Variants in KIF26B observed in about 807,000 individuals in gnomAD.
KIF26B encodes kinesin family member 26B.
KIF26B carries 63 observed loss-of-function variants against 151.2 expected under a neutral mutation model. The ratio of observed to expected loss-of-function variants is 0.42; its 90% CI spans 0.34 to 0.51. The LOEUF (loss-of-function observed/expected upper bound fraction) is 0.51, where lower values mean the gene tolerates loss of function less well. KIF26B is among the 20% of genes least tolerant of loss of function. The pLI, the probability that KIF26B is intolerant of heterozygous loss-of-function variation, is 0.07. For missense variants in KIF26B, 2,813 were observed against 2,913.6 expected, an observed-to-expected ratio of 0.97 and a Z score of 0.79; for synonymous variants, 1,357 against 1,262.1, an observed-to-expected ratio of 1.08 and a Z score of -1.59.
chr1:245,197,710 A>G (rs1669219816), intron 2 of KIF26B, among the ~76,000 whole-genome samples: 1 of 152,224 alleles, frequency 6.6e-6, no homozygotes, highest in Non-Finnish European at 1.5e-5. Flanking sequence ...GATAGAGTCA[A>G]AAGTTAAAGT....
intron 2 of KIF26B, among the ~76,000 whole-genome samples, chr1:245,165,109 AGAT>A (rs1259994862): frequency 6.6e-6 from 1 of 151,982 alleles, no homozygotes; most frequent in Admixed American, 6.6e-5. Context: ...ATGAGCAAGA[AGAT>A]GGGTTGGAAG....
intron 9 of KIF26B, among the ~76,000 whole-genome samples, chr1:245,636,032 G>A (rs1398373716): frequency 6.6e-6 from 1 of 152,110 alleles, no homozygotes; most frequent in East Asian, 1.9e-4. Flanking sequence ...GACTTGTTCT[G>A]TGGACCAGAA....
At chr1:245,261,050 C>T (rs1487963355) in intron 2 of KIF26B, among the ~76,000 whole-genome samples, 1 of 150,494 alleles carries the variant, frequency 6.6e-6, no homozygotes, top group East Asian at 1.9e-4. Context: ...TTTTCTTTCT[C>T]TCTCTCTCTC....
At chr1:245,511,199 A>C in intron 4 of KIF26B, 1 of 685,312 alleles carries the variant, frequency 1.5e-6, no homozygotes, top group Admixed American at 2.5e-5. Context: ...TTTTACTTTA[A>C]CTTTTTCAGT....
chr1:245,609,711 T>C (rs1428466215), intron 8 of KIF26B, among the ~76,000 whole-genome samples, 183 bp downstream of exon 8: 1 of 152,178 alleles, frequency 6.6e-6, no homozygotes, highest in East Asian at 1.9e-4. Context: ...GTCTAAATAT[T>C]TGTACCTTGA....
intron 2 of KIF26B, among the ~76,000 whole-genome samples, chr1:245,353,478 G>T (rs1260538870): frequency 6.6e-6 from 1 of 152,202 alleles, no homozygotes; most frequent in Non-Finnish European, 1.5e-5. Flanking sequence ...GGAAGATTCG[G>T]ATCGTGGCAC....
At position 245,686,339 on chromosome 1, in the gene KIF26B, T is replaced by A; in HGVS notation, c.3356T>A (p.Leu1119Ter). ...TCCGGCGTGGCGTCTAGGGAGTCCT[T>A]GCTGCAGCCCGAGGTGCGTACGCCC... Reference protein sequence around the residue: ...KDSGVASRESLLQPEVRTPPV... With the variant: ...KDSGVASRES Residue 1119 changes from leucine (L) to a stop codon, truncating the protein, a stop_gained, in exon 12 of 15, where the codon TTG (leucine) becomes TAG (stop). Coordinates refer to ENST00000407071, the MANE Select transcript of KIF26B (RefSeq NM_018012.4). LOFTEE classifies it high-confidence loss of function. The surrounding 1 kb of genome is among the most constrained non-coding windows in gnomAD (Gnocchi z 5.6). 1 of 1,613,266 alleles carries A rather than the reference T, an allele frequency of 6.2e-7. No individual in the cohort carries two copies. The highest frequency in any genetic ancestry group is 8.5e-7 in the Non-Finnish European group (1 of 1,179,850).
chr1:245,685,708 G>A lies in KIF26B; in HGVS notation c.2725G>A (p.Gly909Arg), dbSNP rs1185171864. The change falls in exon 12 of 15, where the codon GGA (glycine) becomes AGA (arginine). Residue 909 changes from glycine (G) to arginine (R), a missense_variant. By Grantham distance (125) the Gly-to-Arg change is moderately radical. Around this residue, in one of 3 missense-constraint regions of KIF26B, gnomAD observed 2,060 missense variants for 2,088.6 expected, o/e 0.99. Transcript: ENST00000407071. ...TRGDSRPAEA[G>R]EAAAGKSERD... ...GGGCGACAGCCGGCCCGCAGAGGCA[G>A]GAGAGGCTGCAGCCGGCAAGTCAGA... is the stretch of plus-strand genomic sequence containing the variant. 6.2e-7 allele frequency: 1 copy of A among 1,611,880 alleles called. No homozygotes were observed. Among genetic ancestry groups the A allele is most frequent in the Non-Finnish European group, 8.5e-7 (1 of 1,179,200 alleles).
At chr1:245,228,724 G>C (rs189686342) in intron 2 of KIF26B, among the ~76,000 whole-genome samples, 1 of 152,074 alleles carries the variant, frequency 6.6e-6, no homozygotes, top group Non-Finnish European at 1.5e-5. Context: ...CTTAATCTTC[G>C]CAGTAATCTG....
At chr1:245,316,367 G>A (rs1018798705) in intron 2 of KIF26B, among the ~76,000 whole-genome samples, 2 of 151,982 alleles carry the variant, frequency 1.3e-5, no homozygotes, top group Admixed American at 6.6e-5. Context: ...CAGGTGATCC[G>A]CCTGCCTCGG....
chr1:245,400,790 A>C lies in KIF26B; in HGVS notation c.1000-18789A>C, dbSNP rs536331846. On this transcript the variant is annotated intron_variant, in intron 3 of 14. Transcript: ENST00000407071. ...AAGTTAATTTCACCTGTTTCTTTTTAATTTTTTGATGTGGCTACTAGAAAA... is the reference window on the plus strand; with the variant it reads ...AAGTTAATTTCACCTGTTTCTTTTTCATTTTTTGATGTGGCTACTAGAAAA... Among the ~76,000 whole-genome samples the C allele has an allele frequency of 5.3e-5, 8 of 152,250 alleles. No individual in the cohort carries two copies. In the South Asian group the frequency reaches 1.7e-3, roughly 32 times the overall value.
chr1:245,265,201 CAAA>C (rs59716075), intron 2 of KIF26B, among the ~76,000 whole-genome samples: 27 of 47,394 alleles, frequency 5.7e-4, no homozygotes, highest in African/African-American at 2.0e-3. Flanking sequence ...GACTCCATCT[CAAA>C]AAAAAAAAAA....
intron 2 of KIF26B, among the ~76,000 whole-genome samples, chr1:245,245,443 A>C (rs1237226536): frequency 6.6e-6 from 1 of 152,124 alleles, no homozygotes; most frequent in Non-Finnish European, 1.5e-5. Context: ...TTCTCAGCAG[A>C]GGGTAGGGCT....
In KIF26B at chr1:245,367,740, G is replaced by A. The variant is rs1403460621; in HGVS notation, c.999+373G>A. 6.6e-6 allele frequency among the ~76,000 whole-genome samples: 1 copy of A among 152,224 alleles called. No individual in the cohort carries two copies. The highest frequency in any genetic ancestry group is 2.1e-4 in the South Asian group (1 of 4,830). On this transcript the variant is annotated intron_variant, in intron 3 of 14. Transcript: ENST00000407071. The surrounding 1 kb of genome is among the most constrained non-coding windows in gnomAD (Gnocchi z 4.2). Reference sequence around the variant, plus strand: ...CACAGATACTTGGACTGGGGTCCAAGCCCCGACTTGTCCACTTATTAGCAG... The same window carrying A: ...CACAGATACTTGGACTGGGGTCCAAACCCCGACTTGTCCACTTATTAGCAG...
chr1:245,495,092 A>G lies in KIF26B; in HGVS notation c.1167-45675A>G, dbSNP rs1660486966. On this transcript the variant is annotated intron_variant, in intron 4 of 14. Transcript: ENST00000407071. The surrounding 1 kb of genome is among the most constrained non-coding windows in gnomAD (Gnocchi z 4.2). The stretch of plus-strand genomic sequence containing the variant: ...GAAAGAGGAAATTCTGGAACTTAAA[A>G]AATGAAATAATGGATATTAAGAACA... Among the ~76,000 whole-genome samples the G allele has an allele frequency of 1.3e-5, 2 of 152,188 alleles. No homozygotes were observed. The highest frequency in any genetic ancestry group is 4.1e-4 in the South Asian group (2 of 4,826).
intron 4 of KIF26B, among the ~76,000 whole-genome samples, chr1:245,490,305 C>T (rs1158381410): frequency 1.8e-5 from 2 of 112,936 alleles, no homozygotes; most frequent in Non-Finnish European, 3.4e-5. Flanking sequence ...TTCTGTAGAA[C>T]ATTTTTTTTT....
intron 2 of KIF26B, among the ~76,000 whole-genome samples, chr1:245,305,824 G>A (rs1671525959): frequency 6.6e-6 from 1 of 150,652 alleles, no homozygotes; most frequent in African/African-American, 2.4e-5. Context: ...TGTAGTCCCA[G>A]CTACTCGGGA....
chr1:245,540,565 C>CT lies in KIF26B; in HGVS notation c.1167-198dup, dbSNP rs1249858501. 4.2e-6 allele frequency: 3 copies of CT among 709,796 alleles called. No individual in the cohort carries two copies. The highest frequency in any genetic ancestry group is 7.8e-6 in the Non-Finnish European group (3 of 386,854). The allele number at this position is 709,796 out of a possible 1,614,324, so 44.0% of individuals were successfully genotyped here. Reference sequence around the variant, plus strand: ...CTGCTATTTTATGGCTTTGTTTTTCCTTTTGTCGTATAAATGATTGGGTAG... The same window carrying CT: ...CTGCTATTTTATGGCTTTGTTTTTCCTTTTTGTCGTATAAATGATTGGGTAG... On this transcript the variant is annotated intron_variant, in intron 4 of 14. Coordinates refer to ENST00000407071, the MANE Select transcript of KIF26B (RefSeq NM_018012.4). The surrounding 1 kb of genome is among the most constrained non-coding windows in gnomAD (Gnocchi z 4.6).
intron 2 of KIF26B, among the ~76,000 whole-genome samples, chr1:245,236,207 C>T (rs1029561601): frequency 2.0e-5 from 3 of 152,072 alleles, no homozygotes; most frequent in Admixed American, 6.5e-5. Context: ...GGATTACAGG[C>T]GTGAGTGAGC....
Sources: gnomAD v4.1 joint callset for allele counts (sites outside exome capture counted in the v4.1 genomes callset) on GRCh38, gnomAD v4.1.1 for gene constraint, gnomAD v4.1.1 regional missense constraint, Gnocchi (gnomAD v3.1) non-coding constraint, MANE v1.5 for transcripts, NCBI Gene and HGNC (gene_info 2026-07-23, HGNC 2026-07-21) for gene names.